Variants in DNAH2 observed in about 807,000 individuals in gnomAD.
The protein encoded by DNAH2 is dynein axonemal heavy chain 2.
DNAH2 carries 323 observed loss-of-function variants against 523.5 expected under a neutral mutation model. The observed-to-expected ratio is 0.62, with a 90% CI of 0.56 to 0.68. The LOEUF (loss-of-function observed/expected upper bound fraction) is 0.68. Ranked by LOEUF, DNAH2 falls within the 30% of genes least tolerant of loss-of-function variation. The probability of loss-of-function intolerance (pLI) is 0.00; values close to 1 mark genes in which losing one functional copy is unlikely to be tolerated. For synonymous variants in DNAH2, 2,093 were observed against 2,177.4 expected (o/e 0.96, Z 1.08); for missense variants, 4,907 against 5,701.5 (o/e 0.86, Z 4.49).
chr17:7,759,345 G>A, intron 15 of DNAH2, 77 bp from the exon 16 acceptor site: 1 of 1,532,714 alleles, frequency 6.5e-7, no homozygotes, highest in Non-Finnish European at 8.8e-7. Context: ...TTCCTTCCCT[G>A]TTGGCTGGTT....
In DNAH2 at chr17:7,824,646, C is replaced by G. The variant is rs2077969167; in HGVS notation, c.11772C>G (p.Leu3924=). 2 of 1,609,608 alleles carry G rather than the reference C, an allele frequency of 1.2e-6. No homozygotes were observed. Among genetic ancestry groups the G allele is most frequent in the Admixed American group, 3.3e-5 (2 of 59,750 alleles). The change falls in exon 77 of 86, where the codon CTC becomes CTG. Residue 3924 remains leucine, a synonymous_variant. Coordinates refer to ENST00000572933, the MANE Select transcript of DNAH2 (RefSeq NM_020877.5). ...QVEDPHPSFR[L]WLSSIPHPDF... is the part of the protein sequence containing the mutation. ...AGGATCCTCATCCATCCTTCCGCCTCTGGCTCAGCTCCATCCCCCACCCAG... is the reference window on the plus strand; with the variant it reads ...AGGATCCTCATCCATCCTTCCGCCTGTGGCTCAGCTCCATCCCCCACCCAG...
rs748863187 is a variant in DNAH2 at position 7,771,325 on chromosome 17, C to T, written c.4363-5C>T. The T allele has an allele frequency of 1.7e-5, 28 of 1,613,992 alleles. No homozygotes were observed. Among genetic ancestry groups the T allele is most frequent in the Non-Finnish European group, 2.4e-5 (28 of 1,180,022 alleles). ...GCCTCTCACCCCAACTTTTGGCCCC[C>T]TCAGAATATCTTCCTAGGAGAAGAC... On this transcript the variant is annotated splice_region_variant and splice_polypyrimidine_tract_variant and intron_variant, in intron 27 of 85. Coordinates refer to ENST00000572933, the MANE Select transcript of DNAH2 (RefSeq NM_020877.5).
Position 7,759,625 on chromosome 17 carries a change from G to T in DNAH2, c.2637+15G>T, listed in dbSNP as rs1399281864. 1.9e-6 allele frequency: 3 copies of T among 1,610,246 alleles called. No homozygotes were observed. The African/African-American group carries it at 4.0e-5, about 22-fold the overall frequency. On this transcript the variant is annotated intron_variant, in intron 16 of 85. Coordinates refer to ENST00000572933, the MANE Select transcript of DNAH2 (RefSeq NM_020877.5). ...GTGTGGCACAGGTAAGAACCACTTT[G>T]CCCCCAACATCTCAAAACCATTGCA...
chr17:7,729,923 A>G (rs1478035460), intron 4 of DNAH2, among the ~76,000 whole-genome samples: 1 of 152,218 alleles, frequency 6.6e-6, no homozygotes, highest in Admixed American at 6.5e-5. Context: ...CCCACAGTAC[A>G]TTAGAGCAAA....
chr17:7,804,188 G>A, intron 58 of DNAH2, 68 bp from the exon 59 acceptor site: 1 of 1,522,710 alleles, frequency 6.6e-7, no homozygotes, highest in Non-Finnish European at 9.0e-7. Flanking sequence ...GGGGAAGGTG[G>A]ACCTTACAGG....
intron 7 of DNAH2, among the ~76,000 whole-genome samples, chr17:7,736,563 G>A (rs1365704691): frequency 6.6e-6 from 1 of 152,216 alleles, no homozygotes; most frequent in Non-Finnish European, 1.5e-5. Flanking sequence ...CATGAGAAAA[G>A]AAAAGTTGAC....
At chr17:7,799,034 T>C (rs2151289023) in intron 55 of DNAH2, 69 bp from the exon 56 acceptor site, 2 of 1,582,354 alleles carry the variant, frequency 1.3e-6, no homozygotes, top group Admixed American at 1.7e-5. Context: ...CAGCCCCACC[T>C]GACCCGCTGC....
In DNAH2 at chr17:7,831,382, C is replaced by G. The variant is rs754059261; in HGVS notation, c.12460-8C>G. Reference sequence around the variant, plus strand: ...GGGGGCTACACTCAAGAGCTCCTGCCTGCTCAGGTCCTTGAGTTGGCCGCT... The same window carrying G: ...GGGGGCTACACTCAAGAGCTCCTGCGTGCTCAGGTCCTTGAGTTGGCCGCT... On this transcript the variant is annotated splice_region_variant and splice_polypyrimidine_tract_variant and intron_variant, in intron 80 of 85. Coordinates refer to ENST00000572933, the MANE Select transcript of DNAH2 (RefSeq NM_020877.5). This position sits in a 1 kb window ranked among gnomAD's most constrained non-coding sequence, Gnocchi z 4.2. 2.5e-6 allele frequency: 4 copies of G among 1,614,026 alleles called. No individual in the cohort carries two copies. In the African/African-American group the frequency reaches 4.0e-5, roughly 16 times the overall value.
At chr17:7,799,774 C>T (rs2077171834) in intron 56 of DNAH2, among the ~76,000 whole-genome samples, 1 of 152,168 alleles carries the variant, frequency 6.6e-6, no homozygotes, top group South Asian at 2.1e-4. Context: ...GCCGAGATCA[C>T]ACCACTACAC....
At chr17:7,723,715 G>C (rs776304924) in intron 3 of DNAH2, 26 bp downstream of exon 3, 1 of 1,606,406 alleles carries the variant, frequency 6.2e-7, no homozygotes, top group Admixed American at 1.7e-5. Flanking sequence ...CCCTGTGGCA[G>C]ATATTCCTCC....
chr17:7,757,355 T>G, intron 13 of DNAH2, 118 bp downstream of exon 13: 1 of 1,318,188 alleles, frequency 7.6e-7, no homozygotes, highest in South Asian at 1.5e-5. Flanking sequence ...ATCTTTTCCA[T>G]CTCAAAAAAA....
At position 7,821,508 on chromosome 17, in the gene DNAH2, G is replaced by A; in HGVS notation, c.11142+139G>A. On this transcript the variant is annotated intron_variant, in intron 73 of 85. Coordinates refer to ENST00000572933, the MANE Select transcript of DNAH2 (RefSeq NM_020877.5). This position sits in a 1 kb window ranked among gnomAD's most constrained non-coding sequence, Gnocchi z 5.0. ...CTGAGAAAATCCAGGCCAGCATCAG[G>A]TGCATGGTGAGCTCCCTGGGGCTGC... 1 of 1,263,228 alleles carries A rather than the reference G, an allele frequency of 7.9e-7. No homozygotes were observed. The highest frequency in any genetic ancestry group is 1.1e-6 in the Non-Finnish European group (1 of 938,896). The allele number at this position is 1,263,228 out of a possible 1,614,324, so 78.3% of individuals were successfully genotyped here.
intron 8 of DNAH2, 36 bp from the exon 9 acceptor site, chr17:7,739,697 G>C (rs72829797): frequency 1.3e-6 from 2 of 1,593,430 alleles, no homozygotes; most frequent in Non-Finnish European, 8.6e-7. Context: ...GAGTTTGGAA[G>C]GAAAGCAGGA....
Position 7,774,794 on chromosome 17 carries a change from C to G in DNAH2, c.4537C>G (p.Leu1513Val). 1 of 1,614,158 alleles carries G rather than the reference C, an allele frequency of 6.2e-7. No homozygotes were observed. The highest frequency in any genetic ancestry group is 8.5e-7 in the Non-Finnish European group (1 of 1,180,026). The change falls in exon 29 of 86, where the codon CTG (leucine) becomes GTG (valine). Residue 1513 changes from leucine (L) to valine (V), a missense_variant. Leu to Val is a conservative substitution (Grantham distance 32). Coordinates refer to ENST00000572933, the MANE Select transcript of DNAH2 (RefSeq NM_020877.5). ...CACATTGATAGAAATGAATACAATC[C>G]TGGAAGATATTCAGAAATCTCTGGA... ...LDTLIEMNTILEDIQKSLDMY... is the reference protein window; with the variant it reads ...LDTLIEMNTIVEDIQKSLDMY...
chr17:7,796,750 C>T, intron 50 of DNAH2, 98 bp downstream of exon 50: 1 of 1,347,142 alleles, frequency 7.4e-7, no homozygotes, highest in South Asian at 1.4e-5. Flanking sequence ...GCATGCGCAC[C>T]AAAAGTCACC....
Position 7,766,334 on chromosome 17 carries a change from C to T in DNAH2, c.3528C>T (p.Asn1176=), listed in dbSNP as rs561229733. Residue 1176 remains asparagine (N), a synonymous_variant, in exon 22 of 86, where the codon AAC becomes AAT. Coordinates refer to ENST00000572933, the MANE Select transcript of DNAH2 (RefSeq NM_020877.5). The part of the protein sequence containing the change: ...DFEFKGHFTS[N]VGYMSALDQI... ...CCTCCACAGGCCATTTCACCAGCAACGTGGGATACATGTCTGCCTTAGACC... is the reference window on the plus strand; with the variant it reads ...CCTCCACAGGCCATTTCACCAGCAATGTGGGATACATGTCTGCCTTAGACC... The T allele has an allele frequency of 5.4e-5, 87 of 1,613,628 alleles. 1 individual carries two copies. The East Asian group carries it at 1.6e-3, about 30-fold the overall frequency.
At chr17:7,818,893 C>A in intron 70 of DNAH2, 26 bp from the exon 71 acceptor site, 2 of 1,608,974 alleles carry the variant, frequency 1.2e-6, no homozygotes, top group Non-Finnish European at 1.7e-6. Flanking sequence ...ACCCCTTGCT[C>A]CATGTGCCTC....
chr17:7,817,266 CTT>C (rs762664481), intron 64 of DNAH2, 22 bp from the exon 65 acceptor site: 1 of 1,580,944 alleles, frequency 6.3e-7, no homozygotes. Flanking sequence ...CCCAGGCAGG[CTT>C]ACCCTCCCTC....
At chr17:7,770,512 G>A (rs909986956) in intron 25 of DNAH2, 45 bp from the exon 26 acceptor site, 14 of 1,613,412 alleles carry the variant, frequency 8.7e-6, no homozygotes, top group Non-Finnish European at 1.0e-5. Context: ...GTTCCCCTTA[G>A]TGAAGAGATA....
Sources: gnomAD v4.1 joint callset for allele counts (sites outside exome capture counted in the v4.1 genomes callset) on GRCh38, gnomAD v4.1.1 for gene constraint, Gnocchi (gnomAD v3.1) non-coding constraint, MANE v1.5 for transcripts, NCBI Gene and HGNC (gene_info 2026-07-23, HGNC 2026-07-21) for gene names.